HEATR5A: variants seen among roughly 807,000 people sequenced by gnomAD.
The protein encoded by HEATR5A is HEAT repeat containing 5A.
Under a neutral mutation model 218.8 loss-of-function variants are expected in HEATR5A, and 178 were observed. The ratio of observed to expected loss-of-function variants is 0.81; its 90% CI spans 0.72 to 0.92. The LOEUF (loss-of-function observed/expected upper bound fraction) is 0.92, where lower values mean the gene tolerates loss of function less well. HEATR5A is among the 40% of genes least tolerant of loss of function. The pLI, the probability that HEATR5A is intolerant of heterozygous loss-of-function variation, is 0.00. For synonymous variants in HEATR5A, 864 were observed against 871.6 expected, an observed-to-expected ratio of 0.99 and a Z score of 0.15; for missense variants, 2,420 against 2,418.9, an observed-to-expected ratio of 1.00 and a Z score of -0.01.
At chr14:31,307,213 TAGAC>T (rs1308269313) in intron 30 of HEATR5A, among the ~76,000 whole-genome samples, 11 of 152,218 alleles carry the variant, frequency 7.2e-5, no homozygotes, top group African/African-American at 1.2e-4. Flanking sequence ...ACTTAAATAA[TAGAC>T]AGTCTTTGCA....
intron 25 of HEATR5A, among the ~76,000 whole-genome samples, chr14:31,321,179 G>A (rs1190931394): frequency 6.7e-6 from 1 of 149,006 alleles, no homozygotes; most frequent in Non-Finnish European, 1.5e-5. Context: ...TTTTTTTTGA[G>A]ACAGGGTCTG....
chr14:31,409,908 T>C (rs1595187853), intron 1 of HEATR5A, among the ~76,000 whole-genome samples: 2 of 152,320 alleles, frequency 1.3e-5, no homozygotes, highest in Middle Eastern at 6.8e-3. Context: ...CGGAAACATA[T>C]GTTGAAATTT....
In HEATR5A at chr14:31,400,434, G is replaced by C; in HGVS notation, c.205C>G (p.Arg69Gly). Residue 69 changes from arginine (R) to glycine (G), a missense_variant, in exon 3 of 36, where the codon CGC becomes GGC. By Grantham distance (125) the Arg-to-Gly change is moderately radical. Coordinates refer to ENST00000543095, the MANE Select transcript of HEATR5A (RefSeq NM_015473.4). ...GCTAGATTCTTAGCAAGCAGTTTGC[G>C]GGTAGGAGGCCCTGGGGAGCTGTTC... ...LLNSSPGPPT[R>G]KLLAKNLAIL... 2 of 1,535,830 alleles carry C rather than the reference G, an allele frequency of 1.3e-6. No individual in the cohort carries two copies. Among genetic ancestry groups the C allele is most frequent in the Admixed American group, 2.0e-5 (1 of 50,962 alleles).
In HEATR5A at chr14:31,398,723, T is replaced by C; in HGVS notation, c.397A>G (p.Thr133Ala). 1 of 1,533,358 alleles carries C rather than the reference T, an allele frequency of 6.5e-7. No individual in the cohort carries two copies. The highest frequency in any genetic ancestry group is 1.2e-5 in the South Asian group (1 of 83,976). The allele number at this position is 1,533,358 out of a possible 1,614,324, so 95.0% of individuals were successfully genotyped here. Residue 133 changes from threonine to alanine, a missense_variant, in exon 4 of 36, where the codon ACC becomes GCC. Thr to Ala is a moderately conservative substitution (Grantham distance 58). Transcript: ENST00000543095. ...ATATTCCCCACTGTATCAGTAAAGG[T>C]GTTACCCAGTATTCTACCCAACTTC... ...YKKLGRILGN[T>A]FTDTVGNILK... is the part of the protein sequence containing the mutation.
intron 1 of HEATR5A, among the ~76,000 whole-genome samples, chr14:31,411,873 T>C (rs527837032): frequency 6.6e-6 from 1 of 152,328 alleles, no homozygotes; most frequent in South Asian, 2.1e-4. Context: ...TTTCTTTTTT[T>C]TTAAGACAGT....
intron 5 of HEATR5A, among the ~76,000 whole-genome samples, chr14:31,394,928 T>A (rs1193994844): frequency 6.6e-6 from 1 of 152,218 alleles, no homozygotes; most frequent in Non-Finnish European, 1.5e-5. Flanking sequence ...ATGTAAATTT[T>A]AATTTACACA....
At chr14:31,400,651 A>C (rs933925984) in intron 2 of HEATR5A, 139 bp from the exon 3 acceptor site, 6 of 619,806 alleles carry the variant, frequency 9.7e-6, no homozygotes, top group Non-Finnish European at 1.6e-5. Flanking sequence ...GAAGTTACAA[A>C]TAAGTTGGTA....
intron 19 of HEATR5A, among the ~76,000 whole-genome samples, chr14:31,347,373 G>A (rs556753834): frequency 6.6e-6 from 1 of 152,138 alleles, no homozygotes; most frequent in African/African-American, 2.4e-5. Flanking sequence ...CATCATGCCC[G>A]GCTAATTTTT....
intron 22 of HEATR5A, chr14:31,334,320 A>G (rs1056134149): frequency 2.4e-6 from 1 of 414,112 alleles, no homozygotes; most frequent in Non-Finnish European, 4.8e-6. Context: ...GTCTTATTTA[A>G]AAAATACATT....
intron 12 of HEATR5A, among the ~76,000 whole-genome samples, 179 bp from the exon 13 acceptor site, chr14:31,372,088 A>T (rs1475579771): frequency 6.6e-6 from 1 of 152,080 alleles, no homozygotes; most frequent in African/African-American, 2.4e-5. Flanking sequence ...AATCATACTT[A>T]AAAAAACAAC....
intron 22 of HEATR5A, among the ~76,000 whole-genome samples, chr14:31,327,184 A>C (rs1900296912): frequency 6.6e-6 from 1 of 151,502 alleles, no homozygotes; most frequent in African/African-American, 2.4e-5. Context: ...CATGTTGGTC[A>C]GGCTGGTCTT....
At chr14:31,357,915 G>A (rs1452307222) in intron 16 of HEATR5A, among the ~76,000 whole-genome samples, 2 of 152,154 alleles carry the variant, frequency 1.3e-5, no homozygotes, top group African/African-American at 2.4e-5. Flanking sequence ...ACTGGTCCAC[G>A]GCCTGTTAGG....
At chr14:31,399,187 CTA>C (rs1253932687) in intron 3 of HEATR5A, among the ~76,000 whole-genome samples, 5 of 152,148 alleles carry the variant, frequency 3.3e-5, no homozygotes, top group African/African-American at 1.2e-4. Context: ...GAAAAAGTGA[CTA>C]TTTTAAATTT....
chr14:31,380,709 G>A (rs999085793), intron 10 of HEATR5A, 131 bp from the exon 11 acceptor site: 2 of 648,024 alleles, frequency 3.1e-6, no homozygotes, highest in East Asian at 2.7e-5. Context: ...ACTGTCATTC[G>A]TGTAGACTAC....
At chr14:31,349,216 C>T (rs1012892193) in intron 18 of HEATR5A, among the ~76,000 whole-genome samples, 2 of 151,990 alleles carry the variant, frequency 1.3e-5, no homozygotes, top group South Asian at 2.1e-4. Flanking sequence ...GGAGAAACCC[C>T]GTCTCTACTA....
intron 21 of HEATR5A, among the ~76,000 whole-genome samples, chr14:31,339,078 C>T (rs1268255468): frequency 6.6e-6 from 1 of 151,490 alleles, no homozygotes; most frequent in African/African-American, 2.4e-5. Context: ...CGAGATCACG[C>T]CTCTGCACTC....
chr14:31,295,491 C>T (rs1899155518), intron 34 of HEATR5A: 1 of 153,070 alleles, frequency 6.5e-6, no homozygotes, highest in Non-Finnish European at 1.4e-5. Flanking sequence ...AGCAATCTGC[C>T]CACCGCGTCC....
intron 13 of HEATR5A, among the ~76,000 whole-genome samples, chr14:31,365,033 C>G (rs1224177018): frequency 1.3e-5 from 2 of 151,924 alleles, no homozygotes; most frequent in African/African-American, 2.4e-5. Context: ...CACCACCATG[C>G]CCGGCTAATT....
intron 27 of HEATR5A, 124 bp downstream of exon 27, chr14:31,315,646 C>T (rs540040821): frequency 3.0e-6 from 2 of 661,820 alleles, no homozygotes; most frequent in South Asian, 5.5e-5. Flanking sequence ...TGTTGGAATT[C>T]TTTTTGTTTA....
Sources: allele counts gnomAD v4.1 joint callset (sites outside exome capture counted in the v4.1 genomes callset), GRCh38; gene constraint gnomAD v4.1.1; transcripts MANE v1.5; gene names NCBI Gene and HGNC (gene_info 2026-07-23, HGNC 2026-07-21).